The following NEMP2 variants were observed in gnomAD, a reference collection of about 807,000 sequenced individuals.
NEMP2 encodes UPF0571 transmembrane protein.
A neutral mutation model predicts 54.2 loss-of-function variants in NEMP2; 53 were observed. The observed-to-expected ratio is 0.98, with a 90% CI of 0.78 to 1.23. NEMP2 has a LOEUF of 1.23. Ranked by LOEUF, NEMP2 falls within the 50% of genes most tolerant of loss-of-function variation. The probability of loss-of-function intolerance (pLI) is 0.00; values close to 1 mark genes in which losing one functional copy is unlikely to be tolerated. For missense variants in NEMP2, 455 were observed against 511.3 expected (o/e 0.89, Z 1.06); for synonymous variants, 197 against 190.3 (o/e 1.04, Z -0.29).
the NEMP2 span, among the ~76,000 whole-genome samples, chr2:190,430,173 A>T: frequency 6.6e-6 from 1 of 151,284 alleles, no homozygotes; most frequent in African/African-American, 2.4e-5. Context: ...AAAGGACATG[A>T]ACGCATCCTT....
the NEMP2 span, among the ~76,000 whole-genome samples, chr2:190,560,918 G>T: frequency 6.6e-6 from 1 of 152,064 alleles, no homozygotes; most frequent in East Asian, 1.9e-4. The surrounding 1 kb of genome is among the most constrained non-coding windows in gnomAD (Gnocchi z 5.4). Flanking sequence ...TGTATTTGTT[G>T]GTACAATATC....
the NEMP2 span, chr2:190,437,102 A>T: frequency 1.2e-6 from 2 of 1,614,236 alleles, no homozygotes; most frequent in South Asian, 2.2e-5. The surrounding 1 kb of genome is among the most constrained non-coding windows in gnomAD (Gnocchi z 5.9). Flanking sequence ...ATCGATGGAA[A>T]GGGGTGTAAG....
the NEMP2 span, among the ~76,000 whole-genome samples, chr2:190,636,753 A>T: frequency 6.6e-6 from 1 of 152,204 alleles, no homozygotes; most frequent in African/African-American, 2.4e-5. Flanking sequence ...ACATCTCAAA[A>T]ATCATATTTA....
At chr2:190,461,123 T>C in the NEMP2 span, among the ~76,000 whole-genome samples, 4 of 152,318 alleles carry the variant, frequency 2.6e-5, no homozygotes, top group South Asian at 8.3e-4. This position sits in a 1 kb window ranked among gnomAD's most constrained non-coding sequence, Gnocchi z 5.5. Flanking sequence ...ATAATTTAAA[T>C]ATGAACTTAG....
At chr2:190,600,824 A>G in the NEMP2 span, among the ~76,000 whole-genome samples, 1 of 152,248 alleles carries the variant, frequency 6.6e-6, no homozygotes, top group South Asian at 2.1e-4. This position sits in a 1 kb window ranked among gnomAD's most constrained non-coding sequence, Gnocchi z 4.9. Flanking sequence ...TTATAGCAAC[A>G]CAAAACAGAC....
upstream of NEMP2, among the ~76,000 whole-genome samples, chr2:190,536,175 CAAG>C (rs1235379944): frequency 1.3e-5 from 2 of 152,114 alleles, no homozygotes; most frequent in Non-Finnish European, 1.5e-5. Context: ...CCGGAGATAA[CAAG>C]AATGTTAGGA....
At chr2:190,617,918 T>G in the NEMP2 span, among the ~76,000 whole-genome samples, 3 of 152,242 alleles carry the variant, frequency 2.0e-5, no homozygotes, top group Admixed American at 6.5e-5. This position sits in a 1 kb window ranked among gnomAD's most constrained non-coding sequence, Gnocchi z 5.0. Flanking sequence ...CATGATCATT[T>G]CCTTAATTGT....
chr2:190,582,519 T>C, the NEMP2 span, among the ~76,000 whole-genome samples: 1 of 152,216 alleles, frequency 6.6e-6, no homozygotes, highest in Non-Finnish European at 1.5e-5. This position sits in a 1 kb window ranked among gnomAD's most constrained non-coding sequence, Gnocchi z 4.6. Context: ...TAGAATTAGA[T>C]ATTTGGACAT....
chr2:190,435,879 T>C, the NEMP2 span: 11 of 1,018,266 alleles, frequency 1.1e-5, no homozygotes, highest in South Asian at 2.2e-4. Context: ...GCAATTATTA[T>C]TTTAGTTTGT....
In NEMP2 at chr2:190,507,596, A is replaced by G. The variant is rs1398261441; in HGVS notation, c.*1593T>C. The G allele has an allele frequency of 2.6e-5, 4 of 152,198 alleles. No homozygotes were observed. Among genetic ancestry groups the G allele is most frequent in the African/African-American group, 7.2e-5 (3 of 41,444 alleles). 9.4% of individuals were successfully genotyped at this position (152,198 alleles called of 1,614,324 possible). Reference sequence around the variant, plus strand: ...TACCATAAATCTGAATGGAAAATATATCCTTTGGTTTTTTAAAAATCCAAG... The same window carrying G: ...TACCATAAATCTGAATGGAAAATATGTCCTTTGGTTTTTTAAAAATCCAAG... On this transcript the variant is annotated 3_prime_UTR_variant, in exon 9 of 9. Transcript: ENST00000409150. The surrounding 1 kb of genome is among the most constrained non-coding windows in gnomAD (Gnocchi z 4.4).
the NEMP2 span, among the ~76,000 whole-genome samples, chr2:190,572,833 G>GTTTTTATA: frequency 2.1e-5 from 1 of 47,862 alleles, no homozygotes; most frequent in Non-Finnish European, 3.7e-5. Flanking sequence ...CTTTTCATGA[G>GTTTTTATA]TATATATATA....
chr2:190,596,270 G>A, the NEMP2 span, among the ~76,000 whole-genome samples: 1 of 152,090 alleles, frequency 6.6e-6, no homozygotes, highest in Non-Finnish European at 1.5e-5. The surrounding 1 kb of genome is among the most constrained non-coding windows in gnomAD (Gnocchi z 5.1). Context: ...GCTAGGGGAG[G>A]GATAGCATTA....
At chr2:190,542,236 G>A in the NEMP2 span, among the ~76,000 whole-genome samples, 1 of 152,170 alleles carries the variant, frequency 6.6e-6, no homozygotes, top group South Asian at 2.1e-4. The surrounding 1 kb of genome is among the most constrained non-coding windows in gnomAD (Gnocchi z 4.6). Context: ...TTTTGAGGTG[G>A]AGTCTTGCTC....
At chr2:190,424,148 A>G in the NEMP2 span, among the ~76,000 whole-genome samples, 1 of 152,012 alleles carries the variant, frequency 6.6e-6, no homozygotes, top group Non-Finnish European at 1.5e-5. This position sits in a 1 kb window ranked among gnomAD's most constrained non-coding sequence, Gnocchi z 5.9. Context: ...AATGAAGTCT[A>G]ACATTAGTTT....
At chr2:190,555,776 C>A in the NEMP2 span, among the ~76,000 whole-genome samples, 1 of 152,068 alleles carries the variant, frequency 6.6e-6, no homozygotes, top group South Asian at 2.1e-4. This position sits in a 1 kb window ranked among gnomAD's most constrained non-coding sequence, Gnocchi z 4.8. Flanking sequence ...CTTCCCCAAC[C>A]TAGCAAGGCA....
At chr2:190,642,227 G>A in the NEMP2 span, among the ~76,000 whole-genome samples, 12 of 152,054 alleles carry the variant, frequency 7.9e-5, no homozygotes, top group Non-Finnish European at 1.8e-4. This position sits in a 1 kb window ranked among gnomAD's most constrained non-coding sequence, Gnocchi z 4.1. Flanking sequence ...TGTTGTTGTT[G>A]TTTTATTCTT....
chr2:190,612,992 G>A, the NEMP2 span, among the ~76,000 whole-genome samples: 1 of 152,082 alleles, frequency 6.6e-6, no homozygotes, highest in Non-Finnish European at 1.5e-5. Context: ...GCAAATATTT[G>A]TCCCATTACA....
chr2:190,445,229 C>G, the NEMP2 span, among the ~76,000 whole-genome samples: 1 of 152,062 alleles, frequency 6.6e-6, no homozygotes, highest in Non-Finnish European at 1.5e-5. Context: ...GCAAAGCACT[C>G]AGAATGGAGT....
the NEMP2 span, among the ~76,000 whole-genome samples, chr2:190,452,463 T>C: frequency 5.3e-5 from 8 of 152,222 alleles, no homozygotes; most frequent in African/African-American, 1.9e-4. Flanking sequence ...TAGGCATTGT[T>C]ATGTCCATTT....
Sources: allele counts gnomAD v4.1 joint callset (sites outside exome capture counted in the v4.1 genomes callset), GRCh38; gene constraint gnomAD v4.1.1; non-coding constraint Gnocchi (gnomAD v3.1); transcripts MANE v1.5; gene names NCBI Gene and HGNC (gene_info 2026-07-23, HGNC 2026-07-21).